The following ABCB5 variants were observed in gnomAD, a reference collection of about 807,000 sequenced individuals.
ABCB5 encodes ATP-binding cassette sub-family B member 5.
Under a neutral mutation model 144.2 loss-of-function variants are expected in ABCB5, and 155 were observed. The ratio of observed to expected loss-of-function variants is 1.08; its 90% CI spans 0.94 to 1.23. ABCB5 has a LOEUF of 1.23. ABCB5 is among the 50% of genes most tolerant of loss of function. The pLI is 0.00. For synonymous variants in ABCB5, 610 were observed against 528.6 expected, an observed-to-expected ratio of 1.15 and a Z score of -2.11; for missense variants, 1,830 against 1,520.8, an observed-to-expected ratio of 1.20 and a Z score of -3.38.
intron 13 of ABCB5, among the ~76,000 whole-genome samples, chr7:20,655,719 G>A (rs114466757): frequency 4.0e-4 from 61 of 152,242 alleles, no homozygotes; most frequent in African/African-American, 1.4e-3. Flanking sequence ...TTAAAGATTT[G>A]CATTCTCTCC....
chr7:20,632,769 A>AG (rs1554278890), intron 5 of ABCB5, among the ~76,000 whole-genome samples: 2 of 151,620 alleles, frequency 1.3e-5, no homozygotes, highest in Non-Finnish European at 2.9e-5. Context: ...GAGCAAAAAA[A>AG]CAAACACCGC....
intron 20 of ABCB5, among the ~76,000 whole-genome samples, chr7:20,710,381 A>AAGGGGGG: frequency 1.8e-5 from 1 of 56,730 alleles, no homozygotes; most frequent in Non-Finnish European, 3.1e-5. Flanking sequence ...AAAAAAAAAA[A>AAGGGGGG]GTGGGGGGGG....
At chr7:20,623,173 C>T in intron 1 of ABCB5, 92 bp from the exon 2 acceptor site, 1 of 773,028 alleles carries the variant, frequency 1.3e-6, no homozygotes, top group South Asian at 1.7e-5. Context: ...CTTTTTCAAA[C>T]TGTGAGAGAT....
intron 1 of ABCB5, among the ~76,000 whole-genome samples, chr7:20,616,543 TTCTG>T (rs989956918): frequency 2.4e-4 from 36 of 152,332 alleles, no homozygotes; most frequent in African/African-American, 8.7e-4. Flanking sequence ...AAATAAAATA[TTCTG>T]TCTATTTTTA....
chr7:20,634,675 T>C (rs945641173), intron 5 of ABCB5, among the ~76,000 whole-genome samples: 5 of 152,168 alleles, frequency 3.3e-5, no homozygotes, highest in African/African-American at 1.2e-4. Context: ...TTCATATGCT[T>C]TTTGGACATT....
intron 23 of ABCB5, among the ~76,000 whole-genome samples, chr7:20,735,122 CA>C (rs1782343620): frequency 6.6e-6 from 1 of 152,106 alleles, no homozygotes; most frequent in African/African-American, 2.4e-5. Flanking sequence ...CTAAGCAGAG[CA>C]TATAGGTAAG....
Position 20,647,960 on chromosome 7 carries a change from T to C in ABCB5, c.1096-8T>C. On this transcript the variant is annotated splice_polypyrimidine_tract_variant and splice_region_variant and intron_variant, in intron 10 of 27. Transcript: ENST00000404938. Reference sequence around the variant, plus strand: ...GAAGATTTATAACATTTCCTTTGTTTTTCCAAGAAACCCAGTATAGATAAC... The same window carrying C: ...GAAGATTTATAACATTTCCTTTGTTCTTCCAAGAAACCCAGTATAGATAAC... 2 of 1,532,904 alleles carry C rather than the reference T, an allele frequency of 1.3e-6. No homozygotes were observed. Among genetic ancestry groups the C allele is most frequent in the Non-Finnish European group, 1.8e-6 (2 of 1,107,158 alleles). The allele number at this position is 1,532,904 out of a possible 1,614,324, so 95.0% of individuals were successfully genotyped here.
rs188454556 is a variant in ABCB5 at position 20,678,423 on chromosome 7, G to A, written c.1708-3082G>A. 3.3e-5 allele frequency among the ~76,000 whole-genome samples: 5 copies of A among 152,298 alleles called. No homozygotes were observed. The East Asian group carries it at 9.7e-4, about 29-fold the overall frequency. On this transcript the variant is annotated intron_variant, in intron 14 of 27. Transcript: ENST00000404938. ...TTAGTACCAGTCCTTCCAGTGACTGGCTGAGGCCCTGAACAAGCTTCTTAA... is the reference window on the plus strand; with the variant it reads ...TTAGTACCAGTCCTTCCAGTGACTGACTGAGGCCCTGAACAAGCTTCTTAA...
intron 16 of ABCB5, among the ~76,000 whole-genome samples, chr7:20,687,235 C>T (rs750386606): frequency 2.6e-5 from 4 of 152,132 alleles, no homozygotes; most frequent in South Asian, 2.1e-4. Context: ...GGAAATCTGC[C>T]TCTAGGTCTA....
At chr7:20,694,023 T>TAAAAAAAAA (rs1273411650) in intron 16 of ABCB5, among the ~76,000 whole-genome samples, 1 of 133,992 alleles carries the variant, frequency 7.5e-6, no homozygotes. Flanking sequence ...CTTTTTTCCC[T>TAAAAAAAAA]AAAAAAAAAA....
intron 20 of ABCB5, among the ~76,000 whole-genome samples, chr7:20,722,479 C>T (rs1189218939): frequency 2.6e-5 from 4 of 152,184 alleles, no homozygotes; most frequent in Admixed American, 1.3e-4. Flanking sequence ...TCTATACAGT[C>T]TTCTATGGTA....
chr7:20,667,582 G>C (rs948246691), intron 14 of ABCB5: 1 of 957,520 alleles, frequency 1.0e-6, no homozygotes, highest in African/African-American at 1.8e-5. Flanking sequence ...GGAGAGTATT[G>C]TGAAATCATT....
intron 14 of ABCB5, chr7:20,666,987 G>A: frequency 1.2e-6 from 1 of 859,656 alleles, no homozygotes; most frequent in Non-Finnish European, 1.6e-6. Flanking sequence ...TTTTGTTGTT[G>A]TTCACTATGA....
At position 20,728,870 on chromosome 7, in the gene ABCB5, G is replaced by A. The variant is rs555756975; in HGVS notation, c.2867+415G>A. On this transcript the variant is annotated intron_variant, in intron 23 of 27. Transcript: ENST00000404938. ...GTGAGTTATCATTTAAATCACATAT[G>A]TGGAAAAGGTATGCTTGAATTTTTT... Among the ~76,000 whole-genome samples, 282 of 152,288 alleles carry A rather than the reference G, an allele frequency of 1.9e-3. 2 individuals are homozygous for A. The highest frequency in any genetic ancestry group is 6.5e-3 in the African/African-American group (268 of 41,544).
chr7:20,750,042 T>G (rs60967689), intron 26 of ABCB5, among the ~76,000 whole-genome samples: 8,970 of 152,218 alleles, frequency 0.059, 900 homozygotes, highest in African/African-American at 0.2. Context: ...TGGTAGTTAC[T>G]AAGGAGTCAC....
chr7:20,695,652 G>A (rs1786386747), intron 16 of ABCB5, among the ~76,000 whole-genome samples: 1 of 151,852 alleles, frequency 6.6e-6, no homozygotes, highest in African/African-American at 2.4e-5. Context: ...AGGGGAAAAT[G>A]TTTGTAAATC....
chr7:20,748,137 G>A (rs57094698), intron 26 of ABCB5, among the ~76,000 whole-genome samples: 3,085 of 152,274 alleles, frequency 0.02, 117 homozygotes, highest in African/African-American at 0.07. Flanking sequence ...GGGACGGAAA[G>A]GGTTCGTAAC....
chr7:20,652,158 A>G (rs1036368047), intron 13 of ABCB5, among the ~76,000 whole-genome samples: 3 of 152,380 alleles, frequency 2.0e-5, no homozygotes, highest in African/African-American at 7.2e-5. Context: ...TTGCGAGGCC[A>G]TCTTGTGGCT....
chr7:20,684,719 T>C (rs1043985722), intron 15 of ABCB5, among the ~76,000 whole-genome samples: 6 of 152,178 alleles, frequency 3.9e-5, no homozygotes, highest in African/African-American at 1.4e-4. Flanking sequence ...TGATTAAAGA[T>C]GTTTGGATAG....
Sources: gnomAD v4.1 joint callset for allele counts (sites outside exome capture counted in the v4.1 genomes callset) on GRCh38, gnomAD v4.1.1 for gene constraint, MANE v1.5 for transcripts, NCBI Gene and HGNC (gene_info 2026-07-23, HGNC 2026-07-21) for gene names.